The following CDH18 variants were observed in gnomAD, a reference collection of about 807,000 sequenced individuals.
CDH18 encodes cadherin-18.
In CDH18, 31 loss-of-function variants were observed where a neutral mutation model predicts 67.9. The ratio of observed to expected loss-of-function variants is 0.46; its 90% CI spans 0.34 to 0.62. The LOEUF is 0.62. CDH18 is among the 20% of genes least tolerant of loss of function. The pLI is 0.01. For synonymous variants in CDH18, 362 were observed against 347.2 expected (o/e 1.04, Z -0.48); for missense variants, 890 against 975.5 (o/e 0.91, Z 1.17).
rs116046753 is a variant in CDH18, at chr5:19,938,646, G to C, written c.-257+42414C>G. On this transcript the variant is annotated intron_variant, in intron 2 of 12. Coordinates refer to ENST00000382275, the MANE Select transcript of CDH18 (RefSeq NM_004934.5). ...ACTTTCTACTTCATGCTTTGTTCCTGAAATAACTATCAGGACATAAAGTAT... is the reference window on the plus strand; with the variant it reads ...ACTTTCTACTTCATGCTTTGTTCCTCAAATAACTATCAGGACATAAAGTAT... Among the ~76,000 whole-genome samples the C allele has an allele frequency of 2.2e-3, 332 of 151,352 alleles. 1 individual carries two copies. The highest frequency in any genetic ancestry group is 7.6e-3 in the African/African-American group (315 of 41,386).
At chr5:19,704,825 G>A (rs1342007415) in intron 5 of CDH18, among the ~76,000 whole-genome samples, 1 of 152,158 alleles carries the variant, frequency 6.6e-6, no homozygotes, top group African/African-American at 2.4e-5. Flanking sequence ...AATGGAGAAT[G>A]TTGACAGATC....
At chr5:19,756,298 AAAG>A (rs1442427480) in intron 3 of CDH18, among the ~76,000 whole-genome samples, 6 of 152,340 alleles carry the variant, frequency 3.9e-5, no homozygotes, top group African/African-American at 1.2e-4. Flanking sequence ...ATTTTTAGCA[AAAG>A]AAGGAGGAAA....
intron 1 of CDH18, among the ~76,000 whole-genome samples, chr5:20,566,387 G>T (rs1346791372): frequency 1.5e-5 from 2 of 132,290 alleles, no homozygotes; most frequent in African/African-American, 5.9e-5. Flanking sequence ...TTGAGATAGA[G>T]TCTCACTCTG....
intron 2 of CDH18, among the ~76,000 whole-genome samples, chr5:20,184,761 T>C (rs1291103054): frequency 6.6e-6 from 1 of 152,106 alleles, no homozygotes; most frequent in Non-Finnish European, 1.5e-5. Flanking sequence ...AATCACAAGA[T>C]CAGAAAATGA....
chr5:20,209,852 G>T (rs914515522), intron 2 of CDH18, among the ~76,000 whole-genome samples: 11 of 151,570 alleles, frequency 7.3e-5, no homozygotes, highest in Admixed American at 7.2e-4. Flanking sequence ...TATGTGCCCT[G>T]ATATAAATAT....
intron 11 of CDH18, among the ~76,000 whole-genome samples, chr5:19,493,297 A>G (rs903015408): frequency 6.6e-6 from 1 of 152,174 alleles, no homozygotes; most frequent in Non-Finnish European, 1.5e-5. Context: ...GTGTCTTTGA[A>G]TTCCTTGAAT....
chr5:20,193,935 T>A lies in CDH18; in HGVS notation c.-518+61509A>T, dbSNP rs115510367. On this transcript the variant is annotated intron_variant, in intron 2 of 14. Transcript: ENST00000507958. ...TAAAAACTCTCAATAAAGTAGGTACTAATGGAACATATCTCAAAATAATAA... is the reference window on the plus strand; with the variant it reads ...TAAAAACTCTCAATAAAGTAGGTACAAATGGAACATATCTCAAAATAATAA... Among the ~76,000 whole-genome samples the A allele has an allele frequency of 4.9e-3, 747 of 152,214 alleles. 3 individuals are homozygous for A. The highest frequency in any genetic ancestry group is 6.7e-3 in the Non-Finnish European group (455 of 67,978).
chr5:20,274,320 G>A (rs1011875158), intron 1 of CDH18, among the ~76,000 whole-genome samples: 1 of 151,992 alleles, frequency 6.6e-6, no homozygotes, highest in African/African-American at 2.4e-5. Context: ...TAAAGTACAC[G>A]CAGCATGGCT....
At chr5:20,303,133 G>C (rs1736089179) in intron 1 of CDH18, among the ~76,000 whole-genome samples, 1 of 152,112 alleles carries the variant, frequency 6.6e-6, no homozygotes, top group South Asian at 2.1e-4. Context: ...GTGTGTCAAA[G>C]CTCCCAGGCA....
intron 2 of CDH18, among the ~76,000 whole-genome samples, chr5:20,210,437 G>A (rs1740265558): frequency 1.3e-5 from 2 of 151,780 alleles, no homozygotes; most frequent in African/African-American, 4.8e-5. Context: ...TTTCCCATAT[G>A]TCCATAGAGC....
intron 1 of CDH18, among the ~76,000 whole-genome samples, chr5:20,535,817 G>A (rs924588927): frequency 2.0e-5 from 3 of 152,064 alleles, no homozygotes; most frequent in South Asian, 4.1e-4. Flanking sequence ...GAATATATCT[G>A]GAGATTTCTG....
chr5:20,258,814 G>T (rs949813719), intron 1 of CDH18, among the ~76,000 whole-genome samples: 1 of 152,038 alleles, frequency 6.6e-6, no homozygotes, highest in Admixed American at 6.6e-5. Flanking sequence ...GCTTGGTTTT[G>T]CATCCAAAGA....
intron 1 of CDH18, among the ~76,000 whole-genome samples, chr5:20,534,963 C>A (rs765872746): frequency 6.6e-6 from 1 of 151,904 alleles, no homozygotes; most frequent in Non-Finnish European, 1.5e-5. Flanking sequence ...TCTTAAGGCT[C>A]GCATTTTGCT....
chr5:20,497,768 G>C (rs1753997805), intron 1 of CDH18, among the ~76,000 whole-genome samples: 1 of 152,112 alleles, frequency 6.6e-6, no homozygotes, highest in Non-Finnish European at 1.5e-5. Context: ...CTGTCAAAAA[G>C]AGAGTTCGTT....
At chr5:19,486,057 T>G (rs1212327933) in intron 11 of CDH18, among the ~76,000 whole-genome samples, 1 of 152,164 alleles carries the variant, frequency 6.6e-6, no homozygotes, top group Non-Finnish European at 1.5e-5. Flanking sequence ...ATAAAGATGT[T>G]CATTCCTGTT....
intron 1 of CDH18, among the ~76,000 whole-genome samples, chr5:20,291,131 C>A (rs1747073678): frequency 6.6e-6 from 1 of 151,904 alleles, no homozygotes; most frequent in Admixed American, 6.6e-5. Context: ...AAGGTATATT[C>A]TTGAGTGAAG....
At chr5:20,255,682 G>A (rs1235631166) in intron 1 of CDH18, among the ~76,000 whole-genome samples, 4 of 151,268 alleles carry the variant, frequency 2.6e-5, no homozygotes, top group African/African-American at 7.3e-5. Flanking sequence ...TCCTTTTTAG[G>A]GCATGACATT....
chr5:19,818,227 T>C lies in CDH18; in HGVS notation c.228+20532A>G, dbSNP rs80326165. Among the ~76,000 whole-genome samples the C allele has an allele frequency of 1.9e-4, 29 of 152,254 alleles. No individual in the cohort carries two copies. In the East Asian group the frequency reaches 4.2e-3, roughly 22 times the overall value. On this transcript the variant is annotated intron_variant, in intron 3 of 12. Transcript: ENST00000382275. ...AGGAATTAAAGAGACTTAACAATTG[T>C]AATACAGGAAGTAAATGGATGAGTT...
At chr5:19,980,277 A>G (rs561733995) in intron 2 of CDH18, among the ~76,000 whole-genome samples, 2 of 152,322 alleles carry the variant, frequency 1.3e-5, no homozygotes, top group African/African-American at 4.8e-5. Flanking sequence ...AAGGAGAACT[A>G]TAAAACACTG....
Sources: allele counts gnomAD v4.1 joint callset (sites outside exome capture counted in the v4.1 genomes callset), GRCh38; gene constraint gnomAD v4.1.1; transcripts MANE v1.5; gene names NCBI Gene and HGNC (gene_info 2026-07-23, HGNC 2026-07-21).